Variants in PAX7 observed in about 807,000 individuals in gnomAD.
The protein encoded by PAX7 is paired box 7.
PAX7 carries 18 observed loss-of-function variants against 50.7 expected under a neutral mutation model. That is an observed-to-expected ratio of 0.36 (90% CI 0.25 to 0.53). The LOEUF (loss-of-function observed/expected upper bound fraction) is 0.53, where lower values mean the gene tolerates loss of function less well. Ranked by LOEUF, PAX7 falls within the 20% of genes least tolerant of loss-of-function variation. PAX7 has a pLI of 0.93. For synonymous variants in PAX7, 310 were observed against 290.4 expected, an observed-to-expected ratio of 1.07 and a Z score of -0.69; for missense variants, 644 against 702.9, an observed-to-expected ratio of 0.92 and a Z score of 0.95.
intron 4 of PAX7, among the ~76,000 whole-genome samples, chr1:18,659,954 C>A (rs747816241): frequency 2.0e-5 from 3 of 152,164 alleles, no homozygotes; most frequent in Non-Finnish European, 2.9e-5. Flanking sequence ...AAAAGCCCAG[C>A]GGGCCATGTG....
chr1:18,699,593 G>T (rs1448434112), intron 5 of PAX7, among the ~76,000 whole-genome samples: 4 of 148,006 alleles, frequency 2.7e-5, no homozygotes, highest in Non-Finnish European at 4.4e-5. Flanking sequence ...GCAGAGTCTC[G>T]CTTGTCGCCC....
rs1931428988 is a variant in PAX7 at position 18,746,154 on chromosome 1, GATCC to G, written c.*1226_*1229del. On this transcript the variant is annotated 3_prime_UTR_variant, in exon 9 of 9. Coordinates refer to ENST00000420770, the MANE Select transcript of PAX7 (RefSeq NM_001135254.2). Reference sequence around the variant, plus strand: ...GGATGGTTTGCCCCACAGACAAGATGATCCCCCCTGGCATGTTGTTAGGGGCAAA... The same window carrying G: ...GGATGGTTTGCCCCACAGACAAGATGCCCCTGGCATGTTGTTAGGGGCAAA... 4.3e-6 allele frequency: 1 copy of G among 232,002 alleles called. No homozygotes were observed. The highest frequency in any genetic ancestry group is 8.5e-6 in the Non-Finnish European group (1 of 117,270). 14.4% of individuals were successfully genotyped at this position (232,002 alleles called of 1,614,324 possible).
intron 8 of PAX7, among the ~76,000 whole-genome samples, chr1:18,741,463 A>AGAAAG (rs112450195): frequency 1.1e-4 from 17 of 149,494 alleles, no homozygotes; most frequent in African/African-American, 4.2e-4. Context: ...AAGAAAAAAA[A>AGAAAG]AAAGAAAGAA....
intron 5 of PAX7, among the ~76,000 whole-genome samples, chr1:18,693,800 G>C (rs551497575): frequency 1.2e-3 from 177 of 152,324 alleles, no homozygotes; most frequent in African/African-American, 3.0e-3. Flanking sequence ...CACGTCTGGC[G>C]GCCACGGCGG....
chr1:18,710,090 TG>T (rs1320415955), intron 7 of PAX7, among the ~76,000 whole-genome samples: 3 of 152,224 alleles, frequency 2.0e-5, no homozygotes, highest in African/African-American at 7.2e-5. Context: ...ATTCCATCAA[TG>T]GCACACCTAC....
intron 4 of PAX7, among the ~76,000 whole-genome samples, chr1:18,646,599 C>T (rs2088343211): frequency 6.6e-6 from 1 of 152,192 alleles, no homozygotes; most frequent in African/African-American, 2.4e-5. Flanking sequence ...GGCGCCCCCT[C>T]CCCGCCGCCC....
chr1:18,632,703 G>C lies in PAX7; in HGVS notation c.85+1015G>C, dbSNP rs1178891587. On this transcript the variant is annotated intron_variant, in intron 1 of 8. Coordinates refer to ENST00000420770, the MANE Select transcript of PAX7 (RefSeq NM_001135254.2). This position sits in a 1 kb window ranked among gnomAD's most constrained non-coding sequence, Gnocchi z 6.3. ...TGAGTCCCTGGCGCGTGAGGAAGGG[G>C]AGAGGAGGCAGGGAGGGGGTGGGTG... 6.7e-6 allele frequency among the ~76,000 whole-genome samples: 1 copy of C among 148,254 alleles called. No homozygotes were observed. Among genetic ancestry groups the C allele is most frequent in the East Asian group, 2.0e-4 (1 of 4,906 alleles).
rs1278349746 is a variant in PAX7 at position 18,697,585 on chromosome 1, G to A, written c.787-3068G>A. 3.9e-5 allele frequency among the ~76,000 whole-genome samples: 6 copies of A among 152,184 alleles called. No homozygotes were observed. The East Asian group carries it at 1.2e-3, about 29-fold the overall frequency. On this transcript the variant is annotated intron_variant, in intron 5 of 8. Coordinates refer to ENST00000420770, the MANE Select transcript of PAX7 (RefSeq NM_001135254.2). ...GAGTTAGAGGCAGAATTCCATCCCA[G>A]GCAGTTGACTCCAGCATCCCTGCTG...
At chr1:18,648,456 C>T (rs1197266660) in intron 4 of PAX7, among the ~76,000 whole-genome samples, 1 of 151,610 alleles carries the variant, frequency 6.6e-6, no homozygotes, top group Non-Finnish European at 1.5e-5. Flanking sequence ...ATTCTCTCAC[C>T]TCTGCCTCCC....
At chr1:18,674,941 G>A (rs1263199527) in intron 4 of PAX7, among the ~76,000 whole-genome samples, 3 of 152,292 alleles carry the variant, frequency 2.0e-5, no homozygotes, top group South Asian at 2.1e-4. Context: ...GTTTCCAGAG[G>A]CCCTCTAGGT....
intron 4 of PAX7, among the ~76,000 whole-genome samples, chr1:18,663,223 G>A (rs539816246): frequency 6.6e-6 from 1 of 152,204 alleles, no homozygotes; most frequent in Non-Finnish European, 1.5e-5. Context: ...CAACCTGATG[G>A]TAGCTGAGCC....
intron 4 of PAX7, among the ~76,000 whole-genome samples, chr1:18,679,738 CA>C (rs2088870928): frequency 6.6e-6 from 1 of 152,168 alleles, no homozygotes; most frequent in Non-Finnish European, 1.5e-5. Flanking sequence ...TGGGGATCTG[CA>C]AAGCCTCCAC....
rs990525347 is a variant in PAX7, at chr1:18,746,161, C to G, written c.*1232C>G. The G allele has an allele frequency of 4.3e-6, 1 of 231,840 alleles. No individual in the cohort carries two copies. Among genetic ancestry groups the G allele is most frequent in the African/African-American group, 2.2e-5 (1 of 45,240 alleles). 14.4% of individuals were successfully genotyped at this position (231,840 alleles called of 1,614,324 possible). On this transcript the variant is annotated 3_prime_UTR_variant, in exon 9 of 9. Coordinates refer to ENST00000420770, the MANE Select transcript of PAX7 (RefSeq NM_001135254.2). ...TTGCCCCACAGACAAGATGATCCCC[C>G]CTGGCATGTTGTTAGGGGCAAATTG...
chr1:18,654,341 C>A (rs1209168443), intron 4 of PAX7, among the ~76,000 whole-genome samples: 3 of 152,232 alleles, frequency 2.0e-5, no homozygotes, highest in African/African-American at 7.2e-5. Flanking sequence ...GGAGGGGTGT[C>A]CCCTCTCAGG....
chr1:18,657,112 C>G (rs1484337485), intron 4 of PAX7, among the ~76,000 whole-genome samples: 1 of 151,954 alleles, frequency 6.6e-6, no homozygotes, highest in Non-Finnish European at 1.5e-5. Context: ...TCTTTATTTC[C>G]CTCCCTATTC....
chr1:18,729,492 G>A (rs1480315214), intron 7 of PAX7, among the ~76,000 whole-genome samples: 1 of 152,238 alleles, frequency 6.6e-6, no homozygotes, highest in East Asian at 1.9e-4. Flanking sequence ...GCATGTGTAA[G>A]TGTATTGGAT....
At chr1:18,689,840 A>G (rs1465240963) in intron 4 of PAX7, among the ~76,000 whole-genome samples, 2 of 152,102 alleles carry the variant, frequency 1.3e-5, no homozygotes, top group Non-Finnish European at 2.9e-5. Flanking sequence ...TCCACTTAAC[A>G]TGTAAGGCAG....
chr1:18,648,113 T>C (rs2088374502), intron 4 of PAX7, among the ~76,000 whole-genome samples: 2 of 152,066 alleles, frequency 1.3e-5, no homozygotes, highest in South Asian at 4.2e-4. Flanking sequence ...GTGAGTGCTC[T>C]GGTTTGAGGA....
intron 7 of PAX7, among the ~76,000 whole-genome samples, chr1:18,730,530 CACCA>C (rs2089633143): frequency 6.6e-6 from 1 of 150,710 alleles, no homozygotes; most frequent in Non-Finnish European, 1.5e-5. Flanking sequence ...CCCACCCACC[CACCA>C]CAAACCCTGC....
Sources: gnomAD v4.1 joint callset for allele counts (sites outside exome capture counted in the v4.1 genomes callset) on GRCh38, gnomAD v4.1.1 for gene constraint, Gnocchi (gnomAD v3.1) non-coding constraint, MANE v1.5 for transcripts, NCBI Gene and HGNC (gene_info 2026-07-23, HGNC 2026-07-21) for gene names.